The following SEZ6L variants were observed in gnomAD, a reference collection of about 807,000 sequenced individuals.
SEZ6L encodes the protein seizure related 6 homolog like.
SEZ6L carries 37 observed loss-of-function variants against 106.2 expected under a neutral mutation model. That is an observed-to-expected ratio of 0.35 (90% confidence interval 0.27 to 0.46). SEZ6L has a LOEUF of 0.46. Among genes scored for constraint, SEZ6L ranks in the 20% least tolerant of loss-of-function variants. The probability of loss-of-function intolerance (pLI) is 1.00; values close to 1 mark genes in which losing one functional copy is unlikely to be tolerated. For missense variants in SEZ6L, 1,172 were observed against 1,332.8 expected (o/e 0.88, Z 1.88); for synonymous variants, 541 against 570.4 (o/e 0.95, Z 0.73).
Position 26,299,060 on chromosome 22 carries a change from G to C in SEZ6L, c.1239G>C (p.Gly413=). ...CGGTGATGGACCTGCACTCAGGTGG[G>C]GTGGCCCACTTTCACTGCCACCTGG... is the stretch of plus-strand genomic sequence containing the variant. The part of the protein sequence containing the change: ...DVTVMDLHSG[G]VAHFHCHLGY... The change falls in exon 5 of 17, where the codon GGG becomes GGC. Residue 413 remains glycine, a synonymous_variant. Coordinates refer to ENST00000248933, the MANE Select transcript of SEZ6L (RefSeq NM_021115.5). The C allele has an allele frequency of 6.2e-7, 1 of 1,607,698 alleles. No individual in the cohort carries two copies. Among genetic ancestry groups the C allele is most frequent in the Non-Finnish European group, 8.5e-7 (1 of 1,177,258 alleles).
chr22:26,174,515 C>T (rs1449926441), intron 1 of SEZ6L, among the ~76,000 whole-genome samples: 2 of 152,302 alleles, frequency 1.3e-5, no homozygotes, highest in South Asian at 2.1e-4. Flanking sequence ...GACTTTGAGC[C>T]GCGGTGTTCG....
chr22:26,250,291 A>C (rs907934202), intron 1 of SEZ6L, among the ~76,000 whole-genome samples: 2 of 152,156 alleles, frequency 1.3e-5, no homozygotes, highest in Admixed American at 6.5e-5. Context: ...GTAGATTCAT[A>C]GTTTCAGATA....
intron 9 of SEZ6L, among the ~76,000 whole-genome samples, chr22:26,316,175 A>G (rs966547115): frequency 6.6e-6 from 1 of 152,214 alleles, no homozygotes; most frequent in Non-Finnish European, 1.5e-5. Flanking sequence ...GAACTGTTTG[A>G]GTGTCTACTA....
intron 1 of SEZ6L, among the ~76,000 whole-genome samples, chr22:26,225,373 G>C (rs1461538991): frequency 2.5e-4 from 38 of 152,128 alleles, no homozygotes; most frequent in Non-Finnish European, 1.5e-5. Context: ...GCTCCTCCAT[G>C]ACTAGTTTTG....
intron 1 of SEZ6L, among the ~76,000 whole-genome samples, chr22:26,291,988 G>T (rs901220210): frequency 3.2e-5 from 2 of 62,252 alleles, no homozygotes; most frequent in African/African-American, 1.1e-4. Context: ...AGGAAGGAAG[G>T]AAGGAAGGAA....
chr22:26,252,836 G>A (rs567537019), intron 1 of SEZ6L, among the ~76,000 whole-genome samples: 1 of 152,358 alleles, frequency 6.6e-6, no homozygotes, highest in South Asian at 2.1e-4. Flanking sequence ...TGGGCACCTA[G>A]GTGGATTCCA....
At chr22:26,206,600 C>CTT (rs1941285112) in intron 1 of SEZ6L, among the ~76,000 whole-genome samples, 1 of 152,210 alleles carries the variant, frequency 6.6e-6, no homozygotes, top group South Asian at 2.1e-4. Context: ...CACTAAACTG[C>CTT]TGCCAATAAC....
At chr22:26,186,397 TG>T (rs1321203491) in intron 1 of SEZ6L, among the ~76,000 whole-genome samples, 4 of 152,114 alleles carry the variant, frequency 2.6e-5, no homozygotes, top group Non-Finnish European at 5.9e-5. Context: ...ACCACATTGA[TG>T]GGGACCACTG....
intron 1 of SEZ6L, among the ~76,000 whole-genome samples, chr22:26,214,458 G>A (rs931135668): frequency 1.3e-5 from 2 of 152,196 alleles, no homozygotes; most frequent in Non-Finnish European, 1.5e-5. Flanking sequence ...GCAGGAACAT[G>A]GATTAAAGGT....
intron 9 of SEZ6L, among the ~76,000 whole-genome samples, chr22:26,328,173 G>C (rs1039639403): frequency 6.6e-6 from 1 of 152,166 alleles, no homozygotes; most frequent in African/African-American, 2.4e-5. Flanking sequence ...ACTGAGACCC[G>C]GGTTGGGAAG....
intron 14 of SEZ6L, 78 bp downstream of exon 14, chr22:26,373,561 C>G (rs1361171830): frequency 9.1e-7 from 1 of 1,100,088 alleles, no homozygotes; most frequent in Non-Finnish European, 1.3e-6. Flanking sequence ...CTTTGAATAT[C>G]TTTATTTAGA....
At chr22:26,276,783 T>C (rs1407492940) in intron 1 of SEZ6L, among the ~76,000 whole-genome samples, 2 of 151,990 alleles carry the variant, frequency 1.3e-5, no homozygotes, top group Non-Finnish European at 2.9e-5. Context: ...TCATGGGGTG[T>C]GAGGGGAGGT....
intron 1 of SEZ6L, among the ~76,000 whole-genome samples, chr22:26,199,353 TG>T (rs1445255889): frequency 6.6e-6 from 1 of 152,208 alleles, no homozygotes; most frequent in Non-Finnish European, 1.5e-5. Flanking sequence ...ATCTTTAGTC[TG>T]TTTTTTTCAG....
chr22:26,305,448 C>T (rs751438543), intron 5 of SEZ6L, among the ~76,000 whole-genome samples: 5 of 152,232 alleles, frequency 3.3e-5, no homozygotes, highest in African/African-American at 7.2e-5. Flanking sequence ...TTTCCCATCA[C>T]CCTTACCATC....
intron 1 of SEZ6L, among the ~76,000 whole-genome samples, chr22:26,229,819 C>A (rs138778918): frequency 3.3e-5 from 5 of 152,170 alleles, no homozygotes; most frequent in Non-Finnish European, 7.4e-5. Flanking sequence ...CATTTCAGGA[C>A]GTCAGGCTAG....
Position 26,380,417 on chromosome 22 carries a change from CTT to C in SEZ6L, c.*124_*125del. On this transcript the variant is annotated 3_prime_UTR_variant, in exon 17 of 17. Coordinates refer to ENST00000248933, the MANE Select transcript of SEZ6L (RefSeq NM_021115.5). ...ATGTCGACTGTCTTTTGTTTAGACT[CTT>C]TATCAAAGGTTTACTGTTTTCTTCC... The C allele has an allele frequency of 2.7e-6, 2 of 734,232 alleles. No individual in the cohort carries two copies. The highest frequency in any genetic ancestry group is 4.7e-6 in the Non-Finnish European group (2 of 421,330). The allele number at this position is 734,232 out of a possible 1,614,324, so 45.5% of individuals were successfully genotyped here. A position where few individuals can be genotyped will look rare whatever the true frequency, so the allele number is the denominator to read the frequency against.
chr22:26,187,363 A>G (rs531446458), intron 1 of SEZ6L, among the ~76,000 whole-genome samples: 65 of 152,318 alleles, frequency 4.3e-4, no homozygotes, highest in African/African-American at 1.5e-3. Context: ...TCCCTCTCCC[A>G]ACACGTGGGG....
chr22:26,181,514 T>C (rs1939391912), intron 1 of SEZ6L, among the ~76,000 whole-genome samples: 2 of 152,254 alleles, frequency 1.3e-5, no homozygotes, highest in East Asian at 3.8e-4. Context: ...TTGCATACTT[T>C]AACTTCAGTT....
At chr22:26,251,411 C>T (rs1234693922) in intron 1 of SEZ6L, among the ~76,000 whole-genome samples, 1 of 151,146 alleles carries the variant, frequency 6.6e-6, no homozygotes, top group Non-Finnish European at 1.5e-5. Flanking sequence ...TTGAAATAAT[C>T]ATATGGTTTT....
Sources: allele counts gnomAD v4.1 joint callset (sites outside exome capture counted in the v4.1 genomes callset), GRCh38; gene constraint gnomAD v4.1.1; transcripts MANE v1.5; gene names NCBI Gene and HGNC (gene_info 2026-07-23, HGNC 2026-07-21).